The following IGFL2 variants were observed in gnomAD, a reference collection of about 807,000 sequenced individuals.
IGFL2 encodes the protein insulin growth factor-like family member 2.
Under a neutral mutation model 13.9 loss-of-function variants are expected in IGFL2, and 7 were observed. The ratio of observed to expected loss-of-function variants is 0.51; its 90% CI spans 0.29 to 0.95. The LOEUF is 0.95. Among genes scored for constraint, IGFL2 ranks in the 40% least tolerant of loss-of-function variants. The pLI is 0.08. For synonymous variants in IGFL2, 55 were observed against 55.8 expected (o/e 0.99, Z 0.07); for missense variants, 138 against 147.8 (o/e 0.93, Z 0.34).
chr19:46,186,621 C>T, the IGFL2 span, among the ~76,000 whole-genome samples: 2 of 152,240 alleles, frequency 1.3e-5, no homozygotes, highest in Non-Finnish European at 2.9e-5. Flanking sequence ...ACTTGTCCTC[C>T]TTCCCCAGGA....
chr19:46,176,081 C>A, the IGFL2 span, among the ~76,000 whole-genome samples: 110 of 138,062 alleles, frequency 8.0e-4, 1 homozygote, highest in Middle Eastern at 0.023. Context: ...TCTTGAACTC[C>A]TGACCTCGTG....
the IGFL2 span, among the ~76,000 whole-genome samples, chr19:46,123,581 T>C: frequency 6.6e-6 from 1 of 150,784 alleles, no homozygotes; most frequent in African/African-American, 2.5e-5. Context: ...GACACTGGAT[T>C]ATTTAGCATG....
the IGFL2 span, among the ~76,000 whole-genome samples, chr19:46,086,525 T>C: frequency 6.6e-6 from 1 of 152,198 alleles, no homozygotes; most frequent in Non-Finnish European, 1.5e-5. Flanking sequence ...GGTTCCACCA[T>C]GTTGGCCAGG....
At chr19:46,123,497 A>G in the IGFL2 span, among the ~76,000 whole-genome samples, 1 of 150,992 alleles carries the variant, frequency 6.6e-6, no homozygotes, top group East Asian at 2.0e-4. Context: ...CTTTTGACCA[A>G]TTGTTCCCTG....
chr19:46,205,339 G>C, the IGFL2 span, among the ~76,000 whole-genome samples: 1 of 152,178 alleles, frequency 6.6e-6, no homozygotes, highest in African/African-American at 2.4e-5. Context: ...CTGGGACTAG[G>C]CATTTTCAAA....
chr19:46,089,249 A>C, the IGFL2 span, among the ~76,000 whole-genome samples: 1 of 152,136 alleles, frequency 6.6e-6, no homozygotes, highest in African/African-American at 2.4e-5. Flanking sequence ...TTGATAACAA[A>C]AAAGCCCACC....
the IGFL2 span, among the ~76,000 whole-genome samples, chr19:46,093,094 T>C: frequency 2.0e-5 from 3 of 152,174 alleles, no homozygotes; most frequent in Non-Finnish European, 4.4e-5. Flanking sequence ...CAACTAAATA[T>C]TTAGTAGAAG....
chr19:46,105,093 T>TG, the IGFL2 span, among the ~76,000 whole-genome samples: 1 of 152,212 alleles, frequency 6.6e-6, no homozygotes, highest in South Asian at 2.1e-4. Context: ...TGATGGCCCT[T>TG]GCAGTGAATG....
the IGFL2 span, among the ~76,000 whole-genome samples, chr19:46,204,466 G>C: frequency 2.6e-5 from 4 of 152,304 alleles, no homozygotes; most frequent in South Asian, 8.3e-4. Context: ...GGAGTTTACT[G>C]TTATTTCCCA....
At chr19:46,131,732 A>T in the IGFL2 span, among the ~76,000 whole-genome samples, 1 of 152,196 alleles carries the variant, frequency 6.6e-6, no homozygotes, top group Non-Finnish European at 1.5e-5. Context: ...TGAGGCCAGG[A>T]GTTTAAGACC....
upstream of IGFL2, among the ~76,000 whole-genome samples, chr19:46,139,248 A>T (rs1972745884): frequency 6.7e-6 from 1 of 149,652 alleles, no homozygotes; most frequent in African/African-American, 2.5e-5. Context: ...TGCTTGGTGT[A>T]TGCTGGTCTT....
the IGFL2 span, among the ~76,000 whole-genome samples, chr19:46,134,236 T>C: frequency 6.6e-6 from 1 of 152,156 alleles, no homozygotes; most frequent in Non-Finnish European, 1.5e-5. Context: ...AAAAGGACTA[T>C]TAGCAATGAG....
chr19:46,199,541 C>T, the IGFL2 span, among the ~76,000 whole-genome samples: 1 of 152,194 alleles, frequency 6.6e-6, no homozygotes, highest in African/African-American at 2.4e-5. Context: ...CCACCCTCCC[C>T]GCTTCCCAGC....
At chr19:46,164,558 G>A (rs564121982), downstream of IGFL2, 3 of 152,380 alleles carry the variant, frequency 2.0e-5, no homozygotes, top group Non-Finnish European at 2.9e-5. Flanking sequence ...ATGAGGATAG[G>A]AGAAGCACTT....
chr19:46,199,831 G>A, the IGFL2 span, among the ~76,000 whole-genome samples: 3 of 152,338 alleles, frequency 2.0e-5, no homozygotes, highest in East Asian at 5.8e-4. Context: ...GCAGCACTTA[G>A]GCAAGAAGGA....
the IGFL2 span, among the ~76,000 whole-genome samples, chr19:46,205,216 C>A: frequency 6.6e-6 from 1 of 152,168 alleles, no homozygotes; most frequent in Non-Finnish European, 1.5e-5. Flanking sequence ...CCCTCCAAAT[C>A]ATATACTTTT....
At chr19:46,173,707 A>C in the IGFL2 span, 1 of 152,242 alleles carries the variant, frequency 6.6e-6, no homozygotes, top group African/African-American at 2.4e-5. Context: ...ACACCTCCCC[A>C]GGCCTCACCT....
At chr19:46,187,783 A>G in the IGFL2 span, among the ~76,000 whole-genome samples, 1 of 144,352 alleles carries the variant, frequency 6.9e-6, no homozygotes, top group South Asian at 2.2e-4. Context: ...GATGGTGAGC[A>G]TTAACCCGTT....
the IGFL2 span, among the ~76,000 whole-genome samples, chr19:46,191,317 A>C: frequency 1.3e-5 from 2 of 152,146 alleles, no homozygotes; most frequent in Non-Finnish European, 2.9e-5. Context: ...TGTAGACTCC[A>C]GGGTATGCCT....
Sources: gnomAD v4.1 joint callset for allele counts (sites outside exome capture counted in the v4.1 genomes callset) on GRCh38, gnomAD v4.1.1 for gene constraint, MANE v1.5 for transcripts, NCBI Gene and HGNC (gene_info 2026-07-23, HGNC 2026-07-21) for gene names.